The following AGBL4 variants were observed in gnomAD, a reference collection of about 807,000 sequenced individuals.
The protein encoded by AGBL4 is AGBL carboxypeptidase 4, also known as cytosolic carboxypeptidase 6.
Under a neutral mutation model 66.4 loss-of-function variants are expected in AGBL4, and 58 were observed. The observed-to-expected ratio is 0.87, with a 90% CI of 0.71 to 1.09. The LOEUF (loss-of-function observed/expected upper bound fraction) is 1.09. AGBL4 is among the 50% of genes least tolerant of loss of function. The probability of loss-of-function intolerance (pLI) is 0.00; values close to 1 mark genes in which losing one functional copy is unlikely to be tolerated. For synonymous variants in AGBL4, 234 were observed against 222.9 expected, an observed-to-expected ratio of 1.05 and a Z score of -0.44; for missense variants, 579 against 631.0, an observed-to-expected ratio of 0.92 and a Z score of 0.88.
At chr1:48,918,319 T>G (rs900299736) in intron 5 of AGBL4, among the ~76,000 whole-genome samples, 1 of 152,244 alleles carries the variant, frequency 6.6e-6, no homozygotes, top group Non-Finnish European at 1.5e-5. Context: ...TTGTTTTTAC[T>G]CATTCTCCTA....
intron 4 of AGBL4, among the ~76,000 whole-genome samples, chr1:49,064,067 G>C (rs1644449869): frequency 6.6e-6 from 1 of 152,128 alleles, no homozygotes; most frequent in Admixed American, 6.5e-5. Context: ...AATGGGAATG[G>C]TAGTATTTTT....
intron 3 of AGBL4, among the ~76,000 whole-genome samples, chr1:49,457,289 C>A (rs1195499590): frequency 2.0e-5 from 3 of 151,732 alleles, no homozygotes; most frequent in Admixed American, 2.0e-4. Context: ...GATAGTATCG[C>A]ATTGTGGTTT....
chr1:49,893,822 C>T (rs565640569), intron 1 of AGBL4, among the ~76,000 whole-genome samples: 5 of 152,190 alleles, frequency 3.3e-5, no homozygotes, highest in African/African-American at 1.2e-4. Flanking sequence ...AGAACACAAG[C>T]TGGGCTGGTT....
chr1:49,119,103 T>C (rs985492235), intron 4 of AGBL4, among the ~76,000 whole-genome samples: 8 of 152,210 alleles, frequency 5.3e-5, no homozygotes, highest in Non-Finnish European at 1.0e-4. Flanking sequence ...TCTTTATTAG[T>C]CTTGCTAGTG....
intron 6 of AGBL4, among the ~76,000 whole-genome samples, chr1:48,839,755 T>C (rs1052100544): frequency 1.3e-5 from 2 of 152,126 alleles, no homozygotes; most frequent in African/African-American, 2.4e-5. Context: ...AAAACCTCAA[T>C]CCAAGACTTC....
chr1:49,184,770 C>A (rs905187371), intron 4 of AGBL4, among the ~76,000 whole-genome samples: 1 of 152,166 alleles, frequency 6.6e-6, no homozygotes, highest in Non-Finnish European at 1.5e-5. Context: ...TGCAATCAGG[C>A]ACAAGAGGCT....
rs573339509 is a variant in AGBL4 at position 49,333,488 on chromosome 1, A to C, written c.283-87624T>G. On this transcript the variant is annotated intron_variant, in intron 3 of 13. Coordinates refer to ENST00000371839, the MANE Select transcript of AGBL4 (RefSeq NM_032785.4). ...CGAGACTCTGTCTCAAACACCCCCC[A>C]AAAACAAACAAACAAACAAAAAAAC... 2.4e-3 allele frequency among the ~76,000 whole-genome samples: 358 copies of C among 152,292 alleles called. 2 individuals are homozygous for C. The highest frequency in any genetic ancestry group is 9.7e-3 in the South Asian group (47 of 4,828).
chr1:49,244,224 C>A (rs1181232044), intron 4 of AGBL4, among the ~76,000 whole-genome samples: 1 of 151,738 alleles, frequency 6.6e-6, no homozygotes, highest in Admixed American at 6.6e-5. Flanking sequence ...AATGTCATTT[C>A]GAAGGCCCTC....
the AGBL4 span, among the ~76,000 whole-genome samples, chr1:48,527,003 T>C: frequency 6.8e-3 from 1,039 of 152,194 alleles, 30 homozygotes; most frequent in East Asian, 0.072. Context: ...AGTTGGAGCT[T>C]AATTCTGTAA....
intron 6 of AGBL4, among the ~76,000 whole-genome samples, chr1:48,762,614 TTGTGTGTGTGTGTGTGTGTGTG>T (rs58396843): frequency 1.3e-5 from 1 of 75,184 alleles, no homozygotes; most frequent in Non-Finnish European, 3.0e-5. Context: ...TTTAAGGGTT[TTGTGTGTGTGTGTGTGTGTGTG>T]TGTGTGTGTG....
At position 49,720,784 on chromosome 1, in the gene AGBL4, A is replaced by T. The variant is rs1490583503; in HGVS notation, c.158-23347T>A. Among the ~76,000 whole-genome samples, 3 of 152,206 alleles carry T rather than the reference A, an allele frequency of 2.0e-5. No individual in the cohort carries two copies. The East Asian group carries it at 5.8e-4, about 29-fold the overall frequency. On this transcript the variant is annotated intron_variant, in intron 2 of 13. Coordinates refer to ENST00000371839, the MANE Select transcript of AGBL4 (RefSeq NM_032785.4). The stretch of plus-strand genomic sequence containing the variant: ...TTGAGGGAAACTAATAAATTAGTCA[A>T]GATATGTAAAAAGTGTTATAGGGAC...
Position 48,979,424 on chromosome 1 carries a change from G to A in AGBL4, c.594+66160C>T, listed in dbSNP as rs181029422. Among the ~76,000 whole-genome samples the A allele has an allele frequency of 8.5e-5, 13 of 152,160 alleles. No homozygotes were observed. The East Asian group carries it at 1.7e-3, about 20-fold the overall frequency. On this transcript the variant is annotated intron_variant, in intron 5 of 13. Transcript: ENST00000371839. Reference sequence around the variant, plus strand: ...CATTCCCTACCCTCAGATGCTTCCAGTCTATTGGGGAGATAGACATTGATG... The same window carrying A: ...CATTCCCTACCCTCAGATGCTTCCAATCTATTGGGGAGATAGACATTGATG...
At chr1:49,708,462 T>C (rs1647379588) in intron 2 of AGBL4, among the ~76,000 whole-genome samples, 1 of 152,106 alleles carries the variant, frequency 6.6e-6, no homozygotes, top group Non-Finnish European at 1.5e-5. Context: ...TGTAACCTTT[T>C]ATCAAGGTTC....
intron 3 of AGBL4, among the ~76,000 whole-genome samples, chr1:49,311,900 A>T (rs1217097922): frequency 6.6e-6 from 1 of 152,080 alleles, no homozygotes; most frequent in Non-Finnish European, 1.5e-5. Context: ...TGGTACAAAA[A>T]TAGCTATAAA....
At chr1:49,090,325 T>C (rs1018773084) in intron 4 of AGBL4, among the ~76,000 whole-genome samples, 1 of 152,134 alleles carries the variant, frequency 6.6e-6, no homozygotes, top group East Asian at 1.9e-4. Context: ...TATAATTCTA[T>C]ACCTAGAAAA....
intron 1 of AGBL4, among the ~76,000 whole-genome samples, chr1:49,989,673 T>A (rs1659779686): frequency 6.6e-6 from 1 of 152,204 alleles, no homozygotes; most frequent in Non-Finnish European, 1.5e-5. Flanking sequence ...TAAATCAAGT[T>A]GTTGTTTGAC....
chr1:49,640,318 A>G (rs1168651997), intron 3 of AGBL4, among the ~76,000 whole-genome samples: 3 of 152,156 alleles, frequency 2.0e-5, no homozygotes, highest in African/African-American at 7.2e-5. Flanking sequence ...TGCAATAAAC[A>G]TGTTTTGAGA....
chr1:48,524,892 TAA>T, the AGBL4 span, among the ~76,000 whole-genome samples: 1 of 151,444 alleles, frequency 6.6e-6, no homozygotes, highest in Admixed American at 6.6e-5. Context: ...ACTATTAGCC[TAA>T]AGTCTCACAA....
At chr1:48,614,473 T>C (rs1022876713) in intron 9 of AGBL4, among the ~76,000 whole-genome samples, 4 of 152,236 alleles carry the variant, frequency 2.6e-5, no homozygotes, top group Admixed American at 1.3e-4. Flanking sequence ...AGGCTGATCA[T>C]AGGAATACAT....
Sources: allele counts gnomAD v4.1 joint callset (sites outside exome capture counted in the v4.1 genomes callset), GRCh38; gene constraint gnomAD v4.1.1; transcripts MANE v1.5; gene names NCBI Gene and HGNC (gene_info 2026-07-23, HGNC 2026-07-21).